Variants in SPTLC2 observed in about 807,000 individuals in gnomAD.
The protein encoded by SPTLC2 is serine palmitoyltransferase long chain base subunit 2, also known as serine palmitoyltransferase 2.
A neutral mutation model predicts 62.0 loss-of-function variants in SPTLC2; 21 were observed. The observed-to-expected ratio is 0.34, with a 90% CI of 0.24 to 0.49. The LOEUF is 0.49. SPTLC2 is among the 20% of genes least tolerant of loss of function. The pLI, the probability that SPTLC2 is intolerant of heterozygous loss-of-function variation, is 0.99. For synonymous variants in SPTLC2, 261 were observed against 261.8 expected, an observed-to-expected ratio of 1.00 and a Z score of 0.03; for missense variants, 511 against 713.0, an observed-to-expected ratio of 0.72 and a Z score of 3.23.
intron 2 of SPTLC2, among the ~76,000 whole-genome samples, chr14:77,592,788 T>C (rs1409907852): frequency 1.3e-5 from 2 of 152,110 alleles, no homozygotes; most frequent in Non-Finnish European, 2.9e-5. Flanking sequence ...TTTGTATCCA[T>C]ATGTTCTCAT....
At chr14:77,551,413 A>AAAAAAC in intron 9 of SPTLC2, among the ~76,000 whole-genome samples, 1 of 142,982 alleles carries the variant, frequency 7.0e-6, no homozygotes, top group Admixed American at 7.0e-5. Context: ...AAAAAAAAAA[A>AAAAAAC]GCGACAAGTG....
chr14:77,570,222 C>CAAAA (rs35086251), intron 5 of SPTLC2, among the ~76,000 whole-genome samples, 162 bp downstream of exon 5: 2 of 111,404 alleles, frequency 1.8e-5, no homozygotes, highest in Non-Finnish European at 3.6e-5. Context: ...GACTCCATCT[C>CAAAA]AAAAAAAAAA....
chr14:77,603,735 C>T (rs1180752223), intron 1 of SPTLC2, among the ~76,000 whole-genome samples: 1 of 152,214 alleles, frequency 6.6e-6, no homozygotes, highest in Non-Finnish European at 1.5e-5. Flanking sequence ...AGGAGATCTT[C>T]AAGCATATAT....
At chr14:77,543,125 C>T (rs2079510319) in intron 9 of SPTLC2, among the ~76,000 whole-genome samples, 1 of 152,240 alleles carries the variant, frequency 6.6e-6, no homozygotes, top group Non-Finnish European at 1.5e-5. Flanking sequence ...TCTCAGCTCA[C>T]TGCAACCTCC....
At position 77,562,442 on chromosome 14, in the gene SPTLC2, C is replaced by T. The variant is rs1416838415; in HGVS notation, c.804G>A (p.Leu268=). The T allele has an allele frequency of 6.2e-7, 1 of 1,614,180 alleles. No individual in the cohort carries two copies. The highest frequency in any genetic ancestry group is 1.3e-5 in the African/African-American group (1 of 75,058). ...TGGTTGCTCCTGACAGTCTGGCTCC[C>T]AGAACCAGTGATGCATGATTCAGTT... ...SDELNHASLV[L]GARLSGATIR... The change falls in exon 6 of 12, where the codon CTG becomes CTA. Residue 268 remains leucine (L), a synonymous_variant. Coordinates refer to ENST00000216484, the MANE Select transcript of SPTLC2 (RefSeq NM_004863.4).
chr14:77,530,767 G>A lies in SPTLC2; in HGVS notation c.1304-9186C>T, dbSNP rs563287346. Reference sequence around the variant, plus strand: ...TAGAGAAACCAAGACTTGACTCCCTGGTTCTTCTGGTTTCAAAGACTGGAC... The same window carrying A: ...TAGAGAAACCAAGACTTGACTCCCTAGTTCTTCTGGTTTCAAAGACTGGAC... On this transcript the variant is annotated intron_variant, in intron 9 of 11. Coordinates refer to ENST00000216484, the MANE Select transcript of SPTLC2 (RefSeq NM_004863.4). Among the ~76,000 whole-genome samples, 32 of 152,222 alleles carry A rather than the reference G, an allele frequency of 2.1e-4. No homozygotes were observed. The South Asian group carries it at 6.4e-3, about 31-fold the overall frequency.
intron 4 of SPTLC2, among the ~76,000 whole-genome samples, chr14:77,575,067 A>G (rs28628604): frequency 6.6e-6 from 1 of 152,102 alleles, no homozygotes; most frequent in Non-Finnish European, 1.5e-5. Context: ...AAATCACATT[A>G]AAAAATCAGC....
intron 9 of SPTLC2, chr14:77,547,874 CTTTTTTTTTTTTTTT>C (rs61406879): frequency 2.3e-5 from 2 of 86,840 alleles, no homozygotes; most frequent in Non-Finnish European, 4.4e-5. Context: ...CCTGGAATGT[CTTTTTTTTTTTTTTT>C]TTTTTTTTTT....
intron 9 of SPTLC2, among the ~76,000 whole-genome samples, chr14:77,550,976 A>C (rs1594984321): frequency 6.6e-6 from 1 of 152,036 alleles, no homozygotes; most frequent in Admixed American, 6.6e-5. Context: ...CAGATGTGCC[A>C]CTTTATTCGA....
chr14:77,609,989 A>G lies in SPTLC2; in HGVS notation c.132+6459T>C, dbSNP rs954992681. Among the ~76,000 whole-genome samples the G allele has an allele frequency of 4.6e-5, 7 of 152,320 alleles. No homozygotes were observed. The East Asian group carries it at 1.3e-3, about 29-fold the overall frequency. ...AATTACTGGGCCACATGCTAACTCT[A>G]TGTTTAACTGTTTCCTAAAGTGGCT... On this transcript the variant is annotated intron_variant, in intron 1 of 11. Transcript: ENST00000216484.
intron 1 of SPTLC2, among the ~76,000 whole-genome samples, chr14:77,609,262 A>G (rs1445965262): frequency 6.6e-6 from 1 of 152,100 alleles, no homozygotes; most frequent in Admixed American, 6.5e-5. Flanking sequence ...ATTCCCCTGT[A>G]TTTTTAAATA....
intron 4 of SPTLC2, among the ~76,000 whole-genome samples, chr14:77,572,667 T>C (rs1454635241): frequency 1.3e-5 from 2 of 152,226 alleles, no homozygotes; most frequent in African/African-American, 4.8e-5. Context: ...TGAAAATCTG[T>C]GATTTATTGT....
At chr14:77,600,917 T>A (rs1944369110) in intron 1 of SPTLC2, among the ~76,000 whole-genome samples, 1 of 152,108 alleles carries the variant, frequency 6.6e-6, no homozygotes, top group South Asian at 2.1e-4. Context: ...GTCAACCATG[T>A]TTATTAAGCA....
rs2079349849 is a variant in SPTLC2, at chr14:77,514,621, A to G, written c.1570-2218T>C. Among the ~76,000 whole-genome samples, 4 of 152,214 alleles carry G rather than the reference A, an allele frequency of 2.6e-5. No individual in the cohort carries two copies. In the South Asian group the frequency reaches 8.3e-4, roughly 32 times the overall value. ...CTGAGCCAATATCCTTGCGCTTCCC[A>G]TTTTAAAAAATAACAAAATTATAGC... On this transcript the variant is annotated intron_variant, in intron 11 of 11. Coordinates refer to ENST00000216484, the MANE Select transcript of SPTLC2 (RefSeq NM_004863.4).
chr14:77,543,767 T>C (rs752755615), intron 9 of SPTLC2, among the ~76,000 whole-genome samples: 1 of 152,178 alleles, frequency 6.6e-6, no homozygotes, highest in Non-Finnish European at 1.5e-5. Context: ...TCTCCACCTA[T>C]GCCACTGATT....
rs1182597583 is a variant in SPTLC2 at position 77,547,709 on chromosome 14, C to G, written c.1303+4387G>C. On this transcript the variant is annotated intron_variant, in intron 9 of 11. Transcript: ENST00000216484. The stretch of plus-strand genomic sequence containing the variant: ...ACCCCTCCTTAGGCAACCTGGTGGT[C>G]CCCTACTTCTGGGAGGTCATCATAC... The G allele has an allele frequency of 2.0e-5, 3 of 152,152 alleles. No homozygotes were observed. In the East Asian group the frequency reaches 5.8e-4, roughly 29 times the overall value. The allele number at this position is 152,152 out of a possible 1,614,324, so 9.4% of individuals were successfully genotyped here. A position where few individuals can be genotyped will look rare whatever the true frequency, so the allele number is the denominator to read the frequency against.
intron 2 of SPTLC2, among the ~76,000 whole-genome samples, chr14:77,582,936 C>T (rs2079760026): frequency 6.6e-6 from 1 of 152,162 alleles, no homozygotes; most frequent in South Asian, 2.1e-4. Context: ...GGCGCAGTGG[C>T]TCACGCCGTA....
chr14:77,525,679 A>AG (rs1566768729), intron 9 of SPTLC2, among the ~76,000 whole-genome samples: 1 of 152,080 alleles, frequency 6.6e-6, no homozygotes, highest in Non-Finnish European at 1.5e-5. Context: ...GGGAGGCTGA[A>AG]GCGGGCGGAT....
At chr14:77,555,620 C>CTTT in intron 7 of SPTLC2, 101 bp from the exon 8 acceptor site, 2 of 1,039,166 alleles carry the variant, frequency 1.9e-6, no homozygotes, top group Non-Finnish European at 2.7e-6. Flanking sequence ...TTTACTGCTT[C>CTTT]TTTTTTTTTT....
Sources: gnomAD v4.1 joint callset for allele counts (sites outside exome capture counted in the v4.1 genomes callset) on GRCh38, gnomAD v4.1.1 for gene constraint, MANE v1.5 for transcripts, NCBI Gene and HGNC (gene_info 2026-07-23, HGNC 2026-07-21) for gene names.